Variants in NEBL observed in about 807,000 individuals in gnomAD.
The protein encoded by NEBL is nebulette.
NEBL carries 122 observed loss-of-function variants against 140.2 expected under a neutral mutation model. That is an observed-to-expected ratio of 0.87 (90% CI 0.75 to 1.01). NEBL has a LOEUF of 1.01. Ranked by LOEUF, NEBL falls within the 50% of genes least tolerant of loss-of-function variation. NEBL has a pLI of 0.00. For synonymous variants in NEBL, 436 were observed against 398.9 expected (o/e 1.09, Z -1.11); for missense variants, 1,365 against 1,231.3 (o/e 1.11, Z -1.62).
At chr10:21,146,285 G>A (rs557471922) in intron 2 of NEBL, 7 of 1,378,326 alleles carry the variant, frequency 5.1e-6, no homozygotes, top group African/African-American at 4.3e-5. Context: ...ACATCACCAC[G>A]TGGCCCTGTC....
chr10:20,808,477 C>T (rs762681782), intron 26 of NEBL, 33 bp downstream of exon 26: 25 of 1,609,628 alleles, frequency 1.6e-5, no homozygotes, highest in Non-Finnish European at 1.9e-5. Context: ...AAAAATGAAT[C>T]GATTTTCTTT....
intron 26 of NEBL, among the ~76,000 whole-genome samples, chr10:20,795,927 A>G (rs1017516411): frequency 1.3e-5 from 2 of 152,228 alleles, no homozygotes; most frequent in African/African-American, 4.8e-5. Flanking sequence ...GGTTTATAAT[A>G]TTCCTTAAAT....
intron 1 of NEBL, among the ~76,000 whole-genome samples, chr10:21,285,648 A>G (rs1843045427): frequency 6.6e-6 from 1 of 152,222 alleles, no homozygotes; most frequent in African/African-American, 2.4e-5. Flanking sequence ...TTTCTAAATT[A>G]ACTGACACCT....
At chr10:21,273,549 C>T (rs1842883573) in intron 1 of NEBL, among the ~76,000 whole-genome samples, 2 of 151,770 alleles carry the variant, frequency 1.3e-5, no homozygotes, top group Admixed American at 1.3e-4. Context: ...TCAGTTGACA[C>T]TGAGGAAGTG....
upstream of NEBL, among the ~76,000 whole-genome samples, chr10:20,897,880 A>G (rs868598768): frequency 2.9e-4 from 44 of 152,328 alleles, no homozygotes; most frequent in African/African-American, 9.9e-4. Flanking sequence ...TATGACTGTT[A>G]GTATTATACT....
chr10:21,173,006 T>C lies in NEBL; in HGVS notation c.70-529A>G, dbSNP rs1841149507. Among the ~76,000 whole-genome samples the C allele has an allele frequency of 6.6e-6, 1 of 152,156 alleles. No homozygotes were observed. The highest frequency in any genetic ancestry group is 1.5e-5 in the Non-Finnish European group (1 of 68,034). ...GGATGACTGTCAGGATGGCAGCTTG[T>C]TCTAAGGAAGCATTTGTATCTTCAG... On this transcript the variant is annotated intron_variant, in intron 1 of 6. Coordinates refer to the NEBL transcript ENST00000417816. This position sits in a 1 kb window ranked among gnomAD's most constrained non-coding sequence, Gnocchi z 5.7.
chr10:20,847,994 A>C (rs1378894274), intron 11 of NEBL, among the ~76,000 whole-genome samples: 1 of 152,040 alleles, frequency 6.6e-6, no homozygotes, highest in Non-Finnish European at 1.5e-5. Flanking sequence ...CAAACTGCAC[A>C]TTTTTTTTCT....
intron 16 of NEBL, 138 bp from the exon 17 acceptor site, chr10:20,828,772 A>C: frequency 1.6e-6 from 1 of 641,414 alleles, no homozygotes; most frequent in Admixed American, 2.3e-5. Flanking sequence ...TCCCAGAGAG[A>C]GAGAGAGAGA....
chr10:20,941,352 G>C (rs1285655934), intron 4 of NEBL, among the ~76,000 whole-genome samples: 1 of 152,186 alleles, frequency 6.6e-6, no homozygotes, highest in East Asian at 1.9e-4. Context: ...TATCTCAATA[G>C]ATGCAGAAAA....
intron 2 of NEBL, among the ~76,000 whole-genome samples, chr10:21,023,763 T>C (rs1306580558): frequency 6.6e-6 from 1 of 152,080 alleles, no homozygotes; most frequent in East Asian, 1.9e-4. Context: ...TTAAAGAGTA[T>C]CCTGAGATTG....
intron 2 of NEBL, among the ~76,000 whole-genome samples, chr10:21,053,650 C>G (rs917809633): frequency 6.6e-6 from 1 of 152,136 alleles, no homozygotes; most frequent in African/African-American, 2.4e-5. Context: ...AAATCAAGGC[C>G]TTAGCATTTC....
At chr10:20,911,239 A>G (rs529282491) in intron 4 of NEBL, among the ~76,000 whole-genome samples, 2 of 152,196 alleles carry the variant, frequency 1.3e-5, no homozygotes, top group Non-Finnish European at 2.9e-5. Context: ...CTTATCTCAT[A>G]AAATACTCAT....
intron 2 of NEBL, chr10:21,126,196 T>G: frequency 6.9e-7 from 1 of 1,442,448 alleles, no homozygotes; most frequent in South Asian, 1.3e-5. Flanking sequence ...AATACCACAT[T>G]TGGAATAATA....
intron 2 of NEBL, among the ~76,000 whole-genome samples, chr10:21,050,690 G>A (rs1333828437): frequency 1.3e-5 from 2 of 152,142 alleles, no homozygotes; most frequent in Non-Finnish European, 2.9e-5. Context: ...GTGTTTTCCA[G>A]GAATGAGAAG....
intron 2 of NEBL, among the ~76,000 whole-genome samples, chr10:20,893,077 G>A (rs1321338497): frequency 6.6e-6 from 1 of 152,226 alleles, no homozygotes; most frequent in Non-Finnish European, 1.5e-5. Context: ...CTGCTGCCAT[G>A]CAGATGAACA....
At chr10:20,935,956 G>C (rs532291521) in intron 4 of NEBL, among the ~76,000 whole-genome samples, 2 of 152,018 alleles carry the variant, frequency 1.3e-5, no homozygotes, top group South Asian at 4.2e-4. Context: ...AAACTGTAAG[G>C]GATGGTAATC....
intron 3 of NEBL, among the ~76,000 whole-genome samples, chr10:20,963,047 C>CACACACACAT (rs1836131182): frequency 7.2e-6 from 1 of 138,134 alleles, no homozygotes; most frequent in Non-Finnish European, 1.6e-5. Flanking sequence ...CACACACACA[C>CACACACACAT]GGAAATCTAG....
chr10:21,165,517 C>A (rs1454000702), intron 2 of NEBL, among the ~76,000 whole-genome samples: 1 of 152,176 alleles, frequency 6.6e-6, no homozygotes, highest in Non-Finnish European at 1.5e-5. Flanking sequence ...AAACTAGGGG[C>A]TAAGAGCAGA....
At chr10:21,028,254 A>AAAGAAGAAGAAGAAGAAGAAGAAGAAG (rs55945604) in intron 2 of NEBL, among the ~76,000 whole-genome samples, 44 of 70,322 alleles carry the variant, frequency 6.3e-4, no homozygotes, top group African/African-American at 1.1e-3. Flanking sequence ...AAAAAAAAAA[A>AAAGAAGAAGAAGAAGAAGAAGAAGAAG]AAGAAGAAGA....
Sources: gnomAD v4.1 joint callset for allele counts (sites outside exome capture counted in the v4.1 genomes callset) on GRCh38, gnomAD v4.1.1 for gene constraint, Gnocchi (gnomAD v3.1) non-coding constraint, MANE v1.5 for transcripts, NCBI Gene and HGNC (gene_info 2026-07-23, HGNC 2026-07-21) for gene names.